Variants in DYNC1I1 observed in about 807,000 individuals in gnomAD.
The protein encoded by DYNC1I1 is dynein cytoplasmic 1 intermediate chain 1, also known as cytoplasmic dynein 1 intermediate chain 1.
DYNC1I1 carries 43 observed loss-of-function variants against 86.6 expected under a neutral mutation model. The ratio of observed to expected loss-of-function variants is 0.50; its 90% CI spans 0.39 to 0.64. The LOEUF (loss-of-function observed/expected upper bound fraction) is 0.64. Among genes scored for constraint, DYNC1I1 ranks in the 30% least tolerant of loss-of-function variants. The pLI is 0.00. For missense variants in DYNC1I1, 604 were observed against 788.8 expected (o/e 0.77, Z 2.81); for synonymous variants, 262 against 283.7 (o/e 0.92, Z 0.77).
At chr7:95,957,217 T>C (rs1792740266) in intron 6 of DYNC1I1, among the ~76,000 whole-genome samples, 1 of 152,224 alleles carries the variant, frequency 6.6e-6, no homozygotes, top group Non-Finnish European at 1.5e-5. Flanking sequence ...CCAGCACTCA[T>C]TGGAACTTTC....
intron 5 of DYNC1I1, among the ~76,000 whole-genome samples, chr7:95,838,146 T>TA (rs776604974): frequency 1.3e-5 from 2 of 152,222 alleles, no homozygotes; most frequent in Non-Finnish European, 2.9e-5. Flanking sequence ...CATTTTCTTT[T>TA]AGGAGTTGTA....
chr7:95,832,337 A>T (rs1788932572), intron 5 of DYNC1I1, among the ~76,000 whole-genome samples: 1 of 151,046 alleles, frequency 6.6e-6, no homozygotes, highest in South Asian at 2.1e-4. Flanking sequence ...CATGGTGTAT[A>T]TGTGCCACAT....
chr7:96,106,246 T>C (rs191735269), intron 16 of DYNC1I1, among the ~76,000 whole-genome samples: 65 of 152,030 alleles, frequency 4.3e-4, no homozygotes, highest in Non-Finnish European at 1.0e-4. Flanking sequence ...TAAAAATCCC[T>C]CTTAGGGTGG....
At chr7:96,018,651 T>G (rs1794458758) in intron 10 of DYNC1I1, among the ~76,000 whole-genome samples, 1 of 152,178 alleles carries the variant, frequency 6.6e-6, no homozygotes, top group South Asian at 2.1e-4. Context: ...TAAACCTTCA[T>G]TTCATTTTTA....
chr7:96,042,548 A>C (rs1454361867), intron 14 of DYNC1I1, among the ~76,000 whole-genome samples: 3 of 152,194 alleles, frequency 2.0e-5, no homozygotes, highest in Admixed American at 6.5e-5. Context: ...TTATTATAAC[A>C]AGCAAAGATG....
intron 1 of DYNC1I1, among the ~76,000 whole-genome samples, chr7:95,787,127 ATATGT>A (rs1794169607): frequency 6.6e-6 from 1 of 152,198 alleles, no homozygotes; most frequent in Non-Finnish European, 1.5e-5. Context: ...CAATGTAAGT[ATATGT>A]TATATGTTAG....
At chr7:95,854,812 C>CA (rs1173541181) in intron 5 of DYNC1I1, among the ~76,000 whole-genome samples, 13 of 151,638 alleles carry the variant, frequency 8.6e-5, no homozygotes, top group Admixed American at 7.2e-4. Context: ...TTTACAGACA[C>CA]AAAAAAAATA....
intron 10 of DYNC1I1, among the ~76,000 whole-genome samples, chr7:96,017,410 G>T (rs1363617457): frequency 6.6e-6 from 1 of 152,150 alleles, no homozygotes; most frequent in Non-Finnish European, 1.5e-5. Flanking sequence ...AAAGAGACAA[G>T]AAACTTTAGT....
intron 5 of DYNC1I1, among the ~76,000 whole-genome samples, chr7:95,861,547 C>A (rs2116123796): frequency 6.6e-6 from 1 of 152,276 alleles, no homozygotes; most frequent in East Asian, 1.9e-4. Flanking sequence ...CTTCGGCTGT[C>A]TGAAGCCAGT....
chr7:95,802,654 G>C (rs919747052), intron 1 of DYNC1I1: 2 of 152,036 alleles, frequency 1.3e-5, no homozygotes, highest in African/African-American at 4.8e-5. Flanking sequence ...ATTAAACTTT[G>C]TTTTCTTTTT....
intron 1 of DYNC1I1, among the ~76,000 whole-genome samples, chr7:95,773,476 C>A (rs1793761791): frequency 1.3e-5 from 2 of 152,070 alleles, no homozygotes; most frequent in African/African-American, 4.8e-5. Flanking sequence ...ATCCTGGCAG[C>A]GCTGATGGGA....
intron 6 of DYNC1I1, among the ~76,000 whole-genome samples, chr7:95,954,560 T>G (rs967266393): frequency 6.6e-6 from 1 of 152,084 alleles, no homozygotes; most frequent in Non-Finnish European, 1.5e-5. Flanking sequence ...ATGCTAAAAC[T>G]CAATGACATT....
At chr7:96,090,952 A>G (rs1790823011) in intron 16 of DYNC1I1, among the ~76,000 whole-genome samples, 1 of 152,154 alleles carries the variant, frequency 6.6e-6, no homozygotes, top group Admixed American at 6.5e-5. Context: ...GGAGTTAAAT[A>G]CAGTGGGGCT....
chr7:95,838,011 T>C (rs1032681284), intron 5 of DYNC1I1, among the ~76,000 whole-genome samples: 8 of 152,196 alleles, frequency 5.3e-5, no homozygotes, highest in Admixed American at 4.6e-4. Context: ...GTTGTTTTCT[T>C]ATTGTGCAGA....
chr7:95,904,349 CAGA>C (rs1293928337), intron 6 of DYNC1I1, among the ~76,000 whole-genome samples: 1 of 152,118 alleles, frequency 6.6e-6, no homozygotes, highest in Non-Finnish European at 1.5e-5. Context: ...GGCTGATGGA[CAGA>C]AGGAGATGCA....
At position 95,846,627 on chromosome 7, in the gene DYNC1I1, C is replaced by CTGTGTG. The variant is rs1236489557; in HGVS notation, c.374+18546_374+18551dup. On this transcript the variant is annotated intron_variant, in intron 5 of 16. Coordinates refer to ENST00000447467, the MANE Select transcript of DYNC1I1 (RefSeq NM_001135556.2). ...GAACATAAATGATAAATCTCTCTCT[C>CTGTGTG]TGTGTGTGTGTGTGTGTGTGTGTGT... is the stretch of plus-strand genomic sequence containing the variant. 4.3e-3 allele frequency among the ~76,000 whole-genome samples: 587 copies of CTGTGTG among 136,566 alleles called. 1 individual carries two copies. The highest frequency in any genetic ancestry group is 6.7e-3 in the African/African-American group (248 of 36,896). The allele number at this position is 136,566 out of a possible 152,430, so 89.6% of individuals were successfully genotyped here.
chr7:95,895,531 T>A (rs926410727), intron 6 of DYNC1I1, among the ~76,000 whole-genome samples: 1 of 152,222 alleles, frequency 6.6e-6, no homozygotes, highest in African/African-American at 2.4e-5. Context: ...GAAAACTTCT[T>A]GAACCACCAC....
At position 95,804,867 on chromosome 7, in the gene DYNC1I1, G is replaced by A. The variant is rs532573945; in HGVS notation, c.108+30G>A. On this transcript the variant is annotated intron_variant, in intron 2 of 16. Coordinates refer to ENST00000447467, the MANE Select transcript of DYNC1I1 (RefSeq NM_001135556.2). Reference sequence around the variant, plus strand: ...ATCCTGGGTGTTGGGGTGTTGTGGGGGAAAAAGGAAAATCACTTGATTCTG... The same window carrying A: ...ATCCTGGGTGTTGGGGTGTTGTGGGAGAAAAAGGAAAATCACTTGATTCTG... 5 of 1,532,676 alleles carry A rather than the reference G, an allele frequency of 3.3e-6. No individual in the cohort carries two copies. In the East Asian group the frequency reaches 1.2e-4, roughly 38 times the overall value. The allele number at this position is 1,532,676 out of a possible 1,614,324, so 94.9% of individuals were successfully genotyped here.
intron 9 of DYNC1I1, among the ~76,000 whole-genome samples, chr7:95,992,535 G>A (rs1793756063): frequency 6.6e-6 from 1 of 152,108 alleles, no homozygotes; most frequent in African/African-American, 2.4e-5. Context: ...ACCTTAGAGG[G>A]TTATGAGGAC....
Sources: allele counts gnomAD v4.1 joint callset (sites outside exome capture counted in the v4.1 genomes callset), GRCh38; gene constraint gnomAD v4.1.1; transcripts MANE v1.5; gene names NCBI Gene and HGNC (gene_info 2026-07-23, HGNC 2026-07-21).